The following PALM2AKAP2 variants were observed in gnomAD, a reference collection of about 807,000 sequenced individuals.
PALM2AKAP2 encodes the protein PALM2-AKAP2 fusion protein.
Under a neutral mutation model 71.5 loss-of-function variants are expected in PALM2AKAP2, and 37 were observed. That is an observed-to-expected ratio of 0.52 (90% CI 0.40 to 0.68). The LOEUF is 0.68. Ranked by LOEUF, PALM2AKAP2 falls within the 30% of genes least tolerant of loss-of-function variation. The pLI, the probability that PALM2AKAP2 is intolerant of heterozygous loss-of-function variation, is 0.00. For missense variants in PALM2AKAP2, 1,224 were observed against 1,191.8 expected, an observed-to-expected ratio of 1.03 and a Z score of -0.40; for synonymous variants, 468 against 478.8, an observed-to-expected ratio of 0.98 and a Z score of 0.29.
At position 109,788,102 on chromosome 9, in the gene PALM2AKAP2, A is replaced by G. The variant is rs902244951; in HGVS notation, c.45+7569A>G. 2.6e-5 allele frequency among the ~76,000 whole-genome samples: 4 copies of G among 152,358 alleles called. No homozygotes were observed. In the South Asian group the frequency reaches 8.3e-4, roughly 32 times the overall value. On this transcript the variant is annotated intron_variant, in intron 1 of 9. Coordinates refer to the PALM2AKAP2 transcript ENST00000302798. ...ATCACTGACATTATTGAAACTCAGA[A>G]TACTCACATCTAGATAGGTAATTGC...
At position 109,646,974 on chromosome 9, in the gene PALM2AKAP2, A is replaced by T. The variant is rs1014317053; in HGVS notation, c.5+6108A>T. Among the ~76,000 whole-genome samples the T allele has an allele frequency of 2.6e-5, 4 of 152,202 alleles. 1 individual carries two copies. The highest frequency in any genetic ancestry group is 5.9e-5 in the Non-Finnish European group (4 of 68,046). ...ATGTATGCTTTTTAAAACAATTCAAATATTACGGAAGTTTATGAAGTAAAT... is the reference window on the plus strand; with the variant it reads ...ATGTATGCTTTTTAAAACAATTCAATTATTACGGAAGTTTATGAAGTAAAT... On this transcript the variant is annotated intron_variant, in intron 1 of 6. Coordinates refer to the PALM2AKAP2 transcript ENST00000374531.
chr9:109,748,122 G>A (rs990791238), intron 1 of PALM2AKAP2, among the ~76,000 whole-genome samples: 18 of 152,162 alleles, frequency 1.2e-4, no homozygotes, highest in Non-Finnish European at 1.6e-4. Context: ...GTTTATTCTA[G>A]GATACTTAGT....
chr9:109,880,191 A>C (rs908504403), intron 2 of PALM2AKAP2, among the ~76,000 whole-genome samples: 1 of 152,148 alleles, frequency 6.6e-6, no homozygotes, highest in Admixed American at 6.5e-5. Context: ...ATTTTTAGAG[A>C]CTCATACTGA....
intron 1 of PALM2AKAP2, among the ~76,000 whole-genome samples, chr9:109,823,277 G>A (rs557616617): frequency 6.6e-6 from 1 of 152,232 alleles, no homozygotes; most frequent in African/African-American, 2.4e-5. Flanking sequence ...ATGGTCAAAT[G>A]GACCCTGCCC....
intron 1 of PALM2AKAP2, among the ~76,000 whole-genome samples, chr9:109,818,668 C>T (rs1003857319): frequency 2.0e-5 from 3 of 152,134 alleles, no homozygotes; most frequent in African/African-American, 7.2e-5. Flanking sequence ...CTGTGTTGCC[C>T]AGGCTGAACT....
chr9:109,870,580 G>A (rs1829578319), intron 2 of PALM2AKAP2, among the ~76,000 whole-genome samples: 1 of 152,136 alleles, frequency 6.6e-6, no homozygotes, highest in African/African-American at 2.4e-5. Flanking sequence ...TTACAGCTAT[G>A]GGAACAAACT....
At chr9:110,077,499 A>C (rs1057171401) in intron 1 of PALM2AKAP2, among the ~76,000 whole-genome samples, 1 of 152,228 alleles carries the variant, frequency 6.6e-6, no homozygotes. Flanking sequence ...GCCATGTGTC[A>C]GGTAAACGGT....
At chr9:110,071,701 A>G (rs1022566864) in intron 1 of PALM2AKAP2, among the ~76,000 whole-genome samples, 1 of 152,212 alleles carries the variant, frequency 6.6e-6, no homozygotes, top group Non-Finnish European at 1.5e-5. Flanking sequence ...ATATTTTCCA[A>G]TTAGCACTAC....
At chr9:109,737,828 A>G (rs1479505414) in intron 1 of PALM2AKAP2, among the ~76,000 whole-genome samples, 1 of 152,230 alleles carries the variant, frequency 6.6e-6, no homozygotes, top group African/African-American at 2.4e-5. Context: ...ATTATTACTA[A>G]TCTTAAAATG....
intron 1 of PALM2AKAP2, among the ~76,000 whole-genome samples, chr9:109,658,641 G>A (rs1482962615): frequency 1.3e-5 from 2 of 152,130 alleles, no homozygotes; most frequent in South Asian, 2.1e-4. Context: ...AATTGCACAC[G>A]GCTGAGGAGG....
At chr9:110,147,483 AT>A (rs1164123381) in intron 2 of PALM2AKAP2, among the ~76,000 whole-genome samples, 6 of 152,274 alleles carry the variant, frequency 3.9e-5, no homozygotes, top group Admixed American at 2.0e-4. Context: ...AAGAGTTATT[AT>A]TGTTGTTGTC....
At chr9:110,078,472 T>C (rs1280099739) in intron 1 of PALM2AKAP2, among the ~76,000 whole-genome samples, 4 of 152,230 alleles carry the variant, frequency 2.6e-5, no homozygotes, top group East Asian at 3.8e-4. Context: ...TTAGCACTTA[T>C]GAATTTTTAA....
At chr9:110,163,780 C>T (rs1040867717) in intron 3 of PALM2AKAP2, among the ~76,000 whole-genome samples, 2 of 152,058 alleles carry the variant, frequency 1.3e-5, no homozygotes, top group Non-Finnish European at 2.9e-5. Context: ...ATTCAATCTT[C>T]TGTTATGGAA....
intron 3 of PALM2AKAP2, among the ~76,000 whole-genome samples, chr9:110,157,144 G>C (rs911247744): frequency 1.3e-5 from 2 of 152,188 alleles, no homozygotes. Flanking sequence ...TCTCCGGTTA[G>C]AGACATAGGA....
At chr9:109,960,407 C>G (rs1211149946) in intron 6 of PALM2AKAP2, among the ~76,000 whole-genome samples, 2 of 152,170 alleles carry the variant, frequency 1.3e-5, no homozygotes, top group East Asian at 3.8e-4. Flanking sequence ...AGTAGCAGCA[C>G]CTTTGATCTC....
intron 6 of PALM2AKAP2, among the ~76,000 whole-genome samples, chr9:109,992,954 TAGAGAGAG>T (rs3063881): frequency 7.0e-6 from 1 of 142,674 alleles, no homozygotes; most frequent in African/African-American, 2.6e-5. Flanking sequence ...TATATATATA[TAGAGAGAG>T]AGAGAGAGAG....
intron 1 of PALM2AKAP2, among the ~76,000 whole-genome samples, chr9:109,761,967 C>A (rs1026105448): frequency 3.3e-5 from 5 of 152,062 alleles, no homozygotes; most frequent in Admixed American, 3.3e-4. Context: ...TAGAGAAATG[C>A]GAGTCAAAAC....
Position 109,971,283 on chromosome 9 carries a change from CTTTTTTTTTT to C in PALM2AKAP2, c.496+39277_496+39286del, listed in dbSNP as rs11392589. ...TCCATGTTTATCCCACTCTTAGTCC[CTTTTTTTTTT>C]TTTTTTTTTTTTTTTTTTTTTACAG... On this transcript the variant is annotated intron_variant, in intron 6 of 9. Transcript: ENST00000302798. 7.2e-4 allele frequency among the ~76,000 whole-genome samples: 33 copies of C among 45,676 alleles called. 1 individual carries two copies. Among genetic ancestry groups the C allele is most frequent in the Admixed American group, 1.7e-3 (6 of 3,556 alleles). 30.0% of individuals were successfully genotyped at this position (45,676 alleles called of 152,430 possible).
chr9:110,080,027 G>A (rs151083343), intron 1 of PALM2AKAP2, among the ~76,000 whole-genome samples: 5,652 of 131,884 alleles, frequency 0.043, 358 homozygotes, highest in African/African-American at 0.14. Context: ...CTGAGATTGC[G>A]CCATTGCACT....
Sources: allele counts gnomAD v4.1 joint callset (sites outside exome capture counted in the v4.1 genomes callset), GRCh38; gene constraint gnomAD v4.1.1; transcripts MANE v1.5; gene names NCBI Gene and HGNC (gene_info 2026-07-23, HGNC 2026-07-21).